Variants in PAN3 observed in about 807,000 individuals in gnomAD.
PAN3 encodes the protein poly(A) specific ribonuclease subunit PAN3, also known as PAN2-PAN3 deadenylation complex subunit PAN3.
A neutral mutation model predicts 96.2 loss-of-function variants in PAN3; 19 were observed. That is an observed-to-expected ratio of 0.20 (90% confidence interval 0.14 to 0.29). The LOEUF is 0.29. Ranked by LOEUF, PAN3 falls within the 10% of genes least tolerant of loss-of-function variation. The probability of loss-of-function intolerance (pLI) is 1.00; values close to 1 mark genes in which losing one functional copy is unlikely to be tolerated. For missense variants in PAN3, 882 were observed against 1,108.1 expected (o/e 0.80, Z 2.90); for synonymous variants, 433 against 406.6 (o/e 1.06, Z -0.78).
At chr13:28,264,227 T>C (rs531244622) in intron 9 of PAN3, among the ~76,000 whole-genome samples, 8 of 152,274 alleles carry the variant, frequency 5.3e-5, no homozygotes, top group Non-Finnish European at 8.8e-5. Flanking sequence ...AAATTGATGC[T>C]CTTTTAAAAA....
chr13:28,220,955 T>G (rs987637349), intron 6 of PAN3, among the ~76,000 whole-genome samples: 3 of 152,156 alleles, frequency 2.0e-5, no homozygotes, highest in African/African-American at 7.2e-5. Context: ...CTGCCCATAA[T>G]GTACCCATAA....
At chr13:28,254,506 T>G (rs1884983393) in intron 6 of PAN3, among the ~76,000 whole-genome samples, 1 of 152,144 alleles carries the variant, frequency 6.6e-6, no homozygotes, top group South Asian at 2.1e-4. Flanking sequence ...GAGACTAGCT[T>G]TAGGAAAATC....
chr13:28,178,865 A>G (rs1482185487), intron 4 of PAN3, among the ~76,000 whole-genome samples: 3 of 152,176 alleles, frequency 2.0e-5, no homozygotes, highest in Admixed American at 2.0e-4. Flanking sequence ...TTCACGGTGT[A>G]TAGTTATCCC....
At chr13:28,291,475 A>C (rs1869737152) in intron 18 of PAN3, among the ~76,000 whole-genome samples, 1 of 152,176 alleles carries the variant, frequency 6.6e-6, no homozygotes, top group Non-Finnish European at 1.5e-5. Flanking sequence ...ATAGTAGTTA[A>C]AATCTAAATT....
chr13:28,207,717 TA>T (rs1879543978), intron 5 of PAN3, among the ~76,000 whole-genome samples: 1 of 152,242 alleles, frequency 6.6e-6, no homozygotes, highest in Admixed American at 6.5e-5. Context: ...TACCAGATTC[TA>T]ATTATTCATT....
chr13:28,274,554 GTA>G (rs1425221685), intron 14 of PAN3, among the ~76,000 whole-genome samples: 2 of 149,348 alleles, frequency 1.3e-5, no homozygotes, highest in African/African-American at 2.5e-5. Flanking sequence ...TCCTTTTCAA[GTA>G]TGTTATGAGT....
chr13:28,172,590 C>T (rs1874449742), intron 1 of PAN3, among the ~76,000 whole-genome samples: 4 of 152,174 alleles, frequency 2.6e-5, no homozygotes, highest in Admixed American at 2.6e-4. Context: ...TTTTCCCAGT[C>T]TTATTTTGTC....
intron 1 of PAN3, among the ~76,000 whole-genome samples, chr13:28,151,617 A>G (rs1445869561): frequency 6.6e-6 from 1 of 152,168 alleles, no homozygotes; most frequent in African/African-American, 2.4e-5. Flanking sequence ...TAGGCAGGTT[A>G]CAGCATTGAA....
intron 4 of PAN3, among the ~76,000 whole-genome samples, chr13:28,178,969 A>G (rs1357457262): frequency 1.3e-5 from 2 of 151,928 alleles, no homozygotes; most frequent in African/African-American, 4.9e-5. Flanking sequence ...GAAAGACTAG[A>G]TTTTCTTAAG....
intron 4 of PAN3, among the ~76,000 whole-genome samples, chr13:28,187,620 CT>C (rs1268525263): frequency 1.3e-5 from 2 of 152,282 alleles, no homozygotes; most frequent in African/African-American, 4.8e-5. Context: ...GTTTGTCCCC[CT>C]CAATGACCTG....
chr13:28,153,232 CTTTTTTTTTTT>C (rs10651877), intron 1 of PAN3, among the ~76,000 whole-genome samples: 8 of 101,532 alleles, frequency 7.9e-5, no homozygotes, highest in Non-Finnish European at 1.3e-4. Context: ...GTATAATACG[CTTTTTTTTTTT>C]TTTTTTTTTT....
At chr13:28,233,249 A>G (rs1473647959) in intron 6 of PAN3, among the ~76,000 whole-genome samples, 1 of 151,384 alleles carries the variant, frequency 6.6e-6, no homozygotes, top group Non-Finnish European at 1.5e-5. Context: ...TTTTTTCCTA[A>G]TATTTGGAAA....
At position 28,138,588 on chromosome 13, in the gene PAN3, C is replaced by T. The variant is rs1274999680; in HGVS notation, c.-70C>T. Reference sequence around the variant, plus strand: ...CCGGCACCGGCAGCGTCTTCCTTTCCTCCCCCGTCTATGGTGGTGGCGGCG... The same window carrying T: ...CCGGCACCGGCAGCGTCTTCCTTTCTTCCCCCGTCTATGGTGGTGGCGGCG... On this transcript the variant is annotated 5_prime_UTR_variant, in exon 1 of 19. Transcript: ENST00000380958. The T allele has an allele frequency of 3.3e-5, 15 of 458,484 alleles. No individual in the cohort carries two copies. The highest frequency in any genetic ancestry group is 4.9e-5 in the Non-Finnish European group (13 of 267,524). The allele number at this position is 458,484 out of a possible 1,614,324, so 28.4% of individuals were successfully genotyped here.
intron 14 of PAN3, among the ~76,000 whole-genome samples, chr13:28,275,764 C>T (rs1354050008): frequency 6.6e-6 from 1 of 152,162 alleles, no homozygotes; most frequent in African/African-American, 2.4e-5. Flanking sequence ...TCCCTCCTGC[C>T]ATTCTGGGCT....
intron 1 of PAN3, among the ~76,000 whole-genome samples, chr13:28,145,806 C>T (rs1398660516): frequency 6.8e-6 from 1 of 146,430 alleles, no homozygotes; most frequent in Non-Finnish European, 1.5e-5. Context: ...GTCACCCAGG[C>T]TGGAGTGCAG....
intron 1 of PAN3, among the ~76,000 whole-genome samples, chr13:28,169,018 A>C (rs1270003108): frequency 6.6e-6 from 1 of 151,650 alleles, no homozygotes; most frequent in Non-Finnish European, 1.5e-5. Flanking sequence ...TCCGTCTCAA[A>C]AAAAAAAAAA....
chr13:28,253,278 G>T (rs1265368514), intron 6 of PAN3, among the ~76,000 whole-genome samples: 1 of 151,452 alleles, frequency 6.6e-6, no homozygotes, highest in Non-Finnish European at 1.5e-5. Context: ...CTGTAGTGTG[G>T]TTCTATTCTT....
At chr13:28,280,829 G>A (rs1887418580) in intron 16 of PAN3, among the ~76,000 whole-genome samples, 1 of 152,084 alleles carries the variant, frequency 6.6e-6, no homozygotes, top group Non-Finnish European at 1.5e-5. Context: ...CCAAAGTGCT[G>A]GGATTACAGG....
At chr13:28,188,002 G>T (rs1163736617) in intron 4 of PAN3, among the ~76,000 whole-genome samples, 1 of 152,164 alleles carries the variant, frequency 6.6e-6, no homozygotes, top group African/African-American at 2.4e-5. Flanking sequence ...CCCAATGAAT[G>T]ATTTAAATGA....
Sources: allele counts gnomAD v4.1 joint callset (sites outside exome capture counted in the v4.1 genomes callset), GRCh38; gene constraint gnomAD v4.1.1; transcripts MANE v1.5; gene names NCBI Gene and HGNC (gene_info 2026-07-23, HGNC 2026-07-21).